TBCD: variants seen among roughly 807,000 people sequenced by gnomAD.
TBCD encodes tubulin-specific chaperone D.
Under a neutral mutation model 169.3 loss-of-function variants are expected in TBCD, and 105 were observed. That is an observed-to-expected ratio of 0.62 (90% CI 0.53 to 0.73). The LOEUF (loss-of-function observed/expected upper bound fraction) is 0.73, where lower values mean the gene tolerates loss of function less well. TBCD is among the 30% of genes least tolerant of loss of function. The pLI is 0.00. For missense variants in TBCD, 1,444 were observed against 1,600.1 expected (o/e 0.90, Z 1.66); for synonymous variants, 700 against 643.9 (o/e 1.09, Z -1.32).
intron 12 of TBCD, among the ~76,000 whole-genome samples, chr17:82,814,130 TC>T (rs2051673982): frequency 6.6e-6 from 1 of 152,240 alleles, no homozygotes; most frequent in Non-Finnish European, 1.5e-5. Flanking sequence ...AGTTCATATT[TC>T]AAATACTGTG....
At position 82,890,735 on chromosome 17, in the gene TBCD, G is replaced by C. The variant is rs1371560306; in HGVS notation, c.1563+1038G>C. Among the ~76,000 whole-genome samples, 1 of 152,204 alleles carries C rather than the reference G, an allele frequency of 6.6e-6. No homozygotes were observed. Among genetic ancestry groups the C allele is most frequent in the African/African-American group, 2.4e-5 (1 of 41,458 alleles). ...CACCCAGCATCCTTGGGGTGCCGTG[G>C]GGCCTGCATGTGTTCAGAGCCCTGA... On this transcript the variant is annotated intron_variant, in intron 16 of 38. Coordinates refer to ENST00000355528, the MANE Select transcript of TBCD (RefSeq NM_005993.5). The surrounding 1 kb of genome is among the most constrained non-coding windows in gnomAD (Gnocchi z 5.3).
intron 6 of TBCD, among the ~76,000 whole-genome samples, chr17:82,777,925 C>T (rs142548572): frequency 0.096 from 14,538 of 152,118 alleles, 866 homozygotes; most frequent in South Asian, 0.28. Flanking sequence ...GACCACGGTC[C>T]GCTTGTCAAC....
chr17:82,801,684 G>C (rs1187487979), intron 9 of TBCD, among the ~76,000 whole-genome samples: 5 of 129,896 alleles, frequency 3.8e-5, no homozygotes, highest in Non-Finnish European at 4.8e-5. Context: ...AGCGTGGCAG[G>C]AGGGCGGCGT....
intron 6 of TBCD, among the ~76,000 whole-genome samples, chr17:82,778,952 G>A (rs1358974639): frequency 6.6e-6 from 1 of 152,042 alleles, no homozygotes; most frequent in East Asian, 1.9e-4. Context: ...ATGAGCCACT[G>A]CGCCCGGCCA....
At chr17:82,902,926 C>T (rs748688976) in intron 18 of TBCD, among the ~76,000 whole-genome samples, 14 of 152,150 alleles carry the variant, frequency 9.2e-5, no homozygotes, top group Non-Finnish European at 1.5e-4. Context: ...TTGAGCCGGT[C>T]CTGGGTCAGC....
intron 13 of TBCD, among the ~76,000 whole-genome samples, chr17:82,834,030 C>T (rs1425633040): frequency 6.6e-6 from 1 of 152,070 alleles, no homozygotes; most frequent in Non-Finnish European, 1.5e-5. Context: ...CTGCAACCTC[C>T]GCCTCCTGGG....
chr17:82,924,920 A>T lies in TBCD; in HGVS notation c.2261-19A>T. On this transcript the variant is annotated intron_variant, in intron 26 of 38. Transcript: ENST00000355528. ...TGGGCAGCAGAGGGCCTCTCTTCAC[A>T]CTCGTTGCTTCCTTTCAGAGGAGCT... is the stretch of plus-strand genomic sequence containing the variant. 6.5e-7 allele frequency: 1 copy of T among 1,549,076 alleles called. No individual in the cohort carries two copies.
Position 82,911,785 on chromosome 17 carries a change from A to G in TBCD, c.2034A>G (p.Gln678=). Residue 678 remains glutamine, a synonymous_variant, in exon 23 of 39, where the codon CAA becomes CAG. Coordinates refer to ENST00000355528, the MANE Select transcript of TBCD (RefSeq NM_005993.5). ...YRGLGGQLMR[Q]AVCVLIEKLS... ...GTCTGGGAGGACAGCTCATGAGACA[A>G]GCAGGTAAGTCTGAAGGCCTTTGCA... The G allele has an allele frequency of 1.2e-6, 2 of 1,613,916 alleles. No homozygotes were observed. The highest frequency in any genetic ancestry group is 8.5e-7 in the Non-Finnish European group (1 of 1,179,876).
intron 13 of TBCD, 124 bp from the exon 14 acceptor site, chr17:82,870,100 C>T (rs930742271): frequency 1.4e-5 from 19 of 1,350,384 alleles, no homozygotes; most frequent in African/African-American, 7.3e-5. Flanking sequence ...GGCTCCGTGT[C>T]GCTTGCGTGC....
chr17:82,866,836 C>T (rs961596709), intron 13 of TBCD, among the ~76,000 whole-genome samples: 7 of 152,250 alleles, frequency 4.6e-5, no homozygotes, highest in African/African-American at 9.6e-5. Context: ...CCAGTGTGCA[C>T]GGGCCACCCA....
chr17:82,860,580 C>A, intron 13 of TBCD: 1 of 396,382 alleles, frequency 2.5e-6, no homozygotes, highest in Non-Finnish European at 3.4e-6. Context: ...GCTGGCCACA[C>A]TGGAATCCAG....
chr17:82,778,093 G>C (rs2048714279), intron 6 of TBCD, among the ~76,000 whole-genome samples: 1 of 152,202 alleles, frequency 6.6e-6, no homozygotes, highest in African/African-American at 2.4e-5. Context: ...CCTAGGTTAT[G>C]ATTATAGAGC....
chr17:82,832,522 C>T lies in TBCD; in HGVS notation c.1318+17588C>T, dbSNP rs1298222805. On this transcript the variant is annotated intron_variant, in intron 13 of 38. Transcript: ENST00000355528. This position sits in a 1 kb window ranked among gnomAD's most constrained non-coding sequence, Gnocchi z 4.9. ...ATCACTGTCGACGCCGCGTGCACTT[C>T]GTGGTTTCTAAAGAGGCACCTCCCG... is the stretch of plus-strand genomic sequence containing the variant. 18 of 1,441,436 alleles carry T rather than the reference C, an allele frequency of 1.2e-5. No homozygotes were observed. Among genetic ancestry groups the T allele is most frequent in the East Asian group, 2.3e-5 (1 of 44,124 alleles). 89.3% of individuals were successfully genotyped at this position (1,441,436 alleles called of 1,614,324 possible).
chr17:82,918,830 C>G (rs754059167), intron 23 of TBCD: 1 of 152,260 alleles, frequency 6.6e-6, no homozygotes, highest in African/African-American at 2.4e-5. Flanking sequence ...TTAAGACTTT[C>G]ATTTCCCAGT....
At chr17:82,839,312 A>G (rs1209600757) in intron 13 of TBCD, among the ~76,000 whole-genome samples, 2 of 152,208 alleles carry the variant, frequency 1.3e-5, no homozygotes, top group African/African-American at 4.8e-5. Context: ...CCACACATAT[A>G]TAACCCTAAA....
At chr17:82,812,776 T>C (rs2051549856) in intron 12 of TBCD, among the ~76,000 whole-genome samples, 1 of 152,142 alleles carries the variant, frequency 6.6e-6, no homozygotes, top group Non-Finnish European at 1.5e-5. Context: ...CTCCTGACCT[T>C]GTGATCAGCC....
chr17:82,892,466 A>G (rs1322746945), intron 16 of TBCD, among the ~76,000 whole-genome samples: 2 of 152,064 alleles, frequency 1.3e-5, no homozygotes, highest in African/African-American at 2.4e-5. Context: ...CCAAGCTCCC[A>G]GTGTAACCCT....
chr17:82,793,398 G>A (rs1034929600), intron 7 of TBCD, among the ~76,000 whole-genome samples: 25 of 152,318 alleles, frequency 1.6e-4, no homozygotes, highest in Admixed American at 8.5e-4. Context: ...TCTTTCTAGG[G>A]GTGGTAGTGG....
At chr17:82,859,749 T>C in intron 13 of TBCD, 1 of 985,438 alleles carries the variant, frequency 1.0e-6, no homozygotes, top group Non-Finnish European at 1.2e-6. Flanking sequence ...TGGGGGCTGC[T>C]GCCCAGACTC....
Sources: allele counts gnomAD v4.1 joint callset (sites outside exome capture counted in the v4.1 genomes callset), GRCh38; gene constraint gnomAD v4.1.1; non-coding constraint Gnocchi (gnomAD v3.1); transcripts MANE v1.5; gene names NCBI Gene and HGNC (gene_info 2026-07-23, HGNC 2026-07-21).